CSMD1: variants seen among roughly 807,000 people sequenced by gnomAD.
CSMD1 encodes CUB and sushi domain-containing protein 1.
In CSMD1, 213 loss-of-function variants were observed where a neutral mutation model predicts 417.5. The ratio of observed to expected loss-of-function variants is 0.51; its 90% CI spans 0.46 to 0.57. CSMD1 has a LOEUF of 0.57. CSMD1 is among the 20% of genes least tolerant of loss of function. CSMD1 has a pLI of 0.00. For missense variants in CSMD1, 6,923 were observed against 4,529.7 expected, an observed-to-expected ratio of 1.53 and a Z score of -15.17; for synonymous variants, 2,862 against 1,736.8, an observed-to-expected ratio of 1.65 and a Z score of -16.11.
intron 2 of CSMD1, among the ~76,000 whole-genome samples, chr8:4,533,441 G>A (rs146157121): frequency 4.6e-5 from 7 of 152,276 alleles, no homozygotes; most frequent in Admixed American, 2.0e-4. Flanking sequence ...GTTAATCTAC[G>A]TGAGCCCTGA....
Position 4,364,572 on chromosome 8 carries a change from C to G in CSMD1, c.415+55381G>C, listed in dbSNP as rs1801961202. Among the ~76,000 whole-genome samples the G allele has an allele frequency of 1.2e-4, 2 of 17,178 alleles. 1 individual carries two copies. The highest frequency in any genetic ancestry group is 1.1e-3 in the Admixed American group (2 of 1,810). 11.3% of individuals were successfully genotyped at this position (17,178 alleles called of 152,430 possible). A position where few individuals can be genotyped will look rare whatever the true frequency, so the allele number is the denominator to read the frequency against. ...GGGCGCGGTGGCTCACGCCTGTAAT[C>G]CCAGCACTTTGGGAGGCCGAGGCGG... On this transcript the variant is annotated intron_variant, in intron 3 of 69. Coordinates refer to ENST00000635120, the MANE Select transcript of CSMD1 (RefSeq NM_033225.6).
At chr8:3,501,422 G>A (rs569014138) in intron 10 of CSMD1, among the ~76,000 whole-genome samples, 3 of 152,258 alleles carry the variant, frequency 2.0e-5, no homozygotes, top group African/African-American at 7.2e-5. Context: ...AAACTGTGAT[G>A]GCAGGCAAAT....
Position 4,412,809 on chromosome 8 carries a change from C to T in CSMD1, c.415+7144G>A, listed in dbSNP as rs571183616. ...ACAGTTTTATTATTTTTATTTAACTCACTCTAGGCCTGTATGTGAAACCAA... is the reference window on the plus strand; with the variant it reads ...ACAGTTTTATTATTTTTATTTAACTTACTCTAGGCCTGTATGTGAAACCAA... On this transcript the variant is annotated intron_variant, in intron 3 of 69. Transcript: ENST00000635120. Among the ~76,000 whole-genome samples the T allele has an allele frequency of 5.9e-5, 9 of 152,236 alleles. No individual in the cohort carries two copies. In the South Asian group the frequency reaches 1.9e-3, roughly 32 times the overall value.
intron 25 of CSMD1, among the ~76,000 whole-genome samples, chr8:3,292,398 C>T (rs1013644917): frequency 2.3e-4 from 35 of 152,004 alleles, no homozygotes; most frequent in South Asian, 4.1e-4. Flanking sequence ...CTTTCTGTCT[C>T]GTTGATCTGT....
chr8:2,963,229 C>G lies in CSMD1; in HGVS notation c.9447G>C (p.Gln3149His), dbSNP rs541862194. 30 of 1,613,958 alleles carry G rather than the reference C, an allele frequency of 1.9e-5. 1 individual carries two copies. The South Asian group carries it at 3.0e-4, about 16-fold the overall frequency. Residue 3149 changes from glutamine to histidine, a missense_variant, in exon 60 of 70, where the codon CAG becomes CAC. Transcript: ENST00000635120. ...GRGVWKGEIP[Q>H]CLPVFCGDPG... ...TTCTGCTGTAGAACTTACGGAGACA[C>G]TGGGGGATCTCTCCTTTCCACACCC...
chr8:4,756,889 G>A (rs1673248), intron 1 of CSMD1, among the ~76,000 whole-genome samples: 91,792 of 152,090 alleles, frequency 0.6, 28,009 homozygotes, highest in Admixed American at 0.71. Context: ...AGCAAACTTG[G>A]CAGTCCAAAT....
intron 18 of CSMD1, among the ~76,000 whole-genome samples, chr8:3,384,862 G>A (rs1327641176): frequency 8.5e-6 from 1 of 118,236 alleles, no homozygotes; most frequent in Non-Finnish European, 1.6e-5. Flanking sequence ...CTATTTATAT[G>A]TAAATATATA....
chr8:3,879,263 C>T (rs10089126), intron 5 of CSMD1, among the ~76,000 whole-genome samples: 143,536 of 152,214 alleles, frequency 0.94, 67,816 homozygotes, highest in Middle Eastern at 0.99. Flanking sequence ...ATATTACATA[C>T]TGTTCATCAA....
At chr8:3,490,105 T>A (rs539849085) in intron 11 of CSMD1, among the ~76,000 whole-genome samples, 1 of 152,350 alleles carries the variant, frequency 6.6e-6, no homozygotes, top group African/African-American at 2.4e-5. Context: ...AGACTAGCTG[T>A]GATTCTCTGT....
intron 28 of CSMD1, among the ~76,000 whole-genome samples, chr8:3,221,657 G>A (rs924269659): frequency 1.3e-5 from 2 of 151,388 alleles, no homozygotes; most frequent in Admixed American, 6.6e-5. Flanking sequence ...TGGCTCCTTT[G>A]GAGAACTCCT....
chr8:4,301,406 G>C (rs111992774), intron 3 of CSMD1, among the ~76,000 whole-genome samples: 136 of 152,234 alleles, frequency 8.9e-4, no homozygotes, highest in African/African-American at 3.3e-3. Context: ...TGTGTCTCCA[G>C]GATGGTACTG....
At chr8:3,191,881 C>T (rs956198225) in intron 33 of CSMD1, among the ~76,000 whole-genome samples, 11 of 152,180 alleles carry the variant, frequency 7.2e-5, no homozygotes, top group African/African-American at 2.4e-4. Flanking sequence ...CTCCTCAGTC[C>T]TTGTGTTTCT....
chr8:2,967,657 A>G (rs1452261281), intron 57 of CSMD1, among the ~76,000 whole-genome samples: 1 of 152,232 alleles, frequency 6.6e-6, no homozygotes, highest in Non-Finnish European at 1.5e-5. Flanking sequence ...CTGGTTAACA[A>G]GAATATATAT....
At position 2,937,810 on chromosome 8, in the gene CSMD1, T is replaced by TG. The variant is rs1801595783; in HGVS notation, c.*774dup. 1 of 152,668 alleles carries TG rather than the reference T, an allele frequency of 6.6e-6. No individual in the cohort carries two copies. Among genetic ancestry groups the TG allele is most frequent in the African/African-American group, 2.4e-5 (1 of 41,468 alleles). The allele number at this position is 152,668 out of a possible 1,614,324, so 9.5% of individuals were successfully genotyped here. A position where few individuals can be genotyped will look rare whatever the true frequency, so the allele number is the denominator to read the frequency against. On this transcript the variant is annotated 3_prime_UTR_variant, in exon 70 of 70. Coordinates refer to ENST00000635120, the MANE Select transcript of CSMD1 (RefSeq NM_033225.6). ...TTCCCTAACACTCCAACTAAGCTGA[T>TG]GGGGGAATGTTTAGCTTGATAATAT... is the stretch of plus-strand genomic sequence containing the variant.
intron 52 of CSMD1, among the ~76,000 whole-genome samples, chr8:3,007,777 G>A (rs1006893825): frequency 1.6e-5 from 2 of 124,906 alleles, no homozygotes; most frequent in African/African-American, 5.9e-5. Context: ...GCTGTGGGGT[G>A]GGGGGAGGGG....
rs1811637345 is a variant in CSMD1, at chr8:4,994,260, G to T, written c.85+72C>A. ...CTCCGTACCCTGCGGTCCCCAAAAC[G>T]CACACTCGCGTCCGCACACGGGGCC... On this transcript the variant is annotated intron_variant, in intron 1 of 69. Coordinates refer to ENST00000635120, the MANE Select transcript of CSMD1 (RefSeq NM_033225.6). 12 of 1,414,538 alleles carry T rather than the reference G, an allele frequency of 8.5e-6. No individual in the cohort carries two copies. The East Asian group carries it at 1.9e-4, about 22-fold the overall frequency. 87.6% of individuals were successfully genotyped at this position (1,414,538 alleles called of 1,614,324 possible). A position where few individuals can be genotyped will look rare whatever the true frequency, so the allele number is the denominator to read the frequency against.
chr8:3,975,673 G>C (rs982365449), intron 5 of CSMD1, among the ~76,000 whole-genome samples: 3 of 152,158 alleles, frequency 2.0e-5, no homozygotes, highest in Non-Finnish European at 4.4e-5. Flanking sequence ...TTCAGGAAAT[G>C]TACAGGAGAT....
chr8:3,889,493 A>ATATATATAT (rs1491523329), intron 5 of CSMD1, among the ~76,000 whole-genome samples: 9 of 44,378 alleles, frequency 2.0e-4, no homozygotes, highest in Non-Finnish European at 2.8e-4. Flanking sequence ...ATATATATAT[A>ATATATATAT]AAATATGCTC....
At chr8:4,990,224 G>A (rs1381589295) in intron 1 of CSMD1, among the ~76,000 whole-genome samples, 2 of 152,148 alleles carry the variant, frequency 1.3e-5, no homozygotes, top group Non-Finnish European at 2.9e-5. Flanking sequence ...CTACATGAGT[G>A]CTCCAGAAGC....
Sources: gnomAD v4.1 joint callset for allele counts (sites outside exome capture counted in the v4.1 genomes callset) on GRCh38, gnomAD v4.1.1 for gene constraint, MANE v1.5 for transcripts, NCBI Gene and HGNC (gene_info 2026-07-23, HGNC 2026-07-21) for gene names.